IGSF11: variants seen among roughly 807,000 people sequenced by gnomAD.
IGSF11 encodes immunoglobulin superfamily member 11.
IGSF11 carries 22 observed loss-of-function variants against 41.0 expected under a neutral mutation model. The ratio of observed to expected loss-of-function variants is 0.54; its 90% CI spans 0.38 to 0.77. The LOEUF is 0.77. Among genes scored for constraint, IGSF11 ranks in the 30% least tolerant of loss-of-function variants. The pLI is 0.00. For synonymous variants in IGSF11, 219 were observed against 201.3 expected (o/e 1.09, Z -0.74); for missense variants, 444 against 530.8 (o/e 0.84, Z 1.61).
At chr3:119,142,682 T>G (rs989661310) in intron 1 of IGSF11, among the ~76,000 whole-genome samples, 6 of 152,066 alleles carry the variant, frequency 3.9e-5, no homozygotes, top group Non-Finnish European at 5.9e-5. Context: ...AGAAAAAATA[T>G]TTAAAGAAGT....
intron 1 of IGSF11, among the ~76,000 whole-genome samples, chr3:119,087,062 T>G (rs555757530): frequency 7.2e-5 from 11 of 152,278 alleles, no homozygotes; most frequent in African/African-American, 2.6e-4. Context: ...GAGTAAGATC[T>G]AACATGGAAA....
At position 119,111,605 on chromosome 3, in the gene IGSF11, T is replaced by G. The variant is rs575607375; in HGVS notation, c.-13-6400A>C. On this transcript the variant is annotated intron_variant, in intron 1 of 7. Coordinates refer to the IGSF11 transcript ENST00000425327. The stretch of plus-strand genomic sequence containing the variant: ...TTCTCTCAACTCGTCAAAGTCATTC[T>G]CCGTCCAGCTTTGTTCGGTTGCTGG... Among the ~76,000 whole-genome samples, 9 of 152,388 alleles carry G rather than the reference T, an allele frequency of 5.9e-5. No individual in the cohort carries two copies. In the East Asian group the frequency reaches 1.7e-3, roughly 29 times the overall value.
chr3:119,017,776 C>CTTTTTTTTTTTTTTTTTTT (rs567222914), intron 1 of IGSF11, among the ~76,000 whole-genome samples: 1 of 100,258 alleles, frequency 1.0e-5, no homozygotes, highest in Non-Finnish European at 2.0e-5. Context: ...GTTTGTTTTA[C>CTTTTTTTTTTTTTTTTTTT]TTTTTTTTTT....
chr3:119,070,600 C>A (rs182463723), intron 1 of IGSF11, among the ~76,000 whole-genome samples: 5,715 of 151,644 alleles, frequency 0.038, 185 homozygotes, highest in Non-Finnish European at 0.051. Context: ...AGTTTATGTA[C>A]ATGTTTTTTT....
chr3:118,926,349 A>G, intron 3 of IGSF11, 93 bp from the exon 4 acceptor site: 2 of 1,049,244 alleles, frequency 1.9e-6, no homozygotes, highest in Non-Finnish European at 2.7e-6. Context: ...TTGGACCCTT[A>G]GATTACACTG....
intron 4 of IGSF11, 74 bp from the exon 5 acceptor site, chr3:118,905,792 A>G (rs772849252): frequency 6.5e-6 from 10 of 1,540,772 alleles, no homozygotes; most frequent in Admixed American, 3.6e-5. Context: ...GCGGAAGACC[A>G]TAAAAACAGA....
chr3:118,945,942 A>T (rs1944094694), intron 1 of IGSF11: 1 of 152,298 alleles, frequency 6.6e-6, no homozygotes, highest in African/African-American at 2.4e-5. Context: ...TAATTTTTTT[A>T]AATATAGCAT....
intron 1 of IGSF11, among the ~76,000 whole-genome samples, chr3:119,063,584 T>A (rs1942124650): frequency 6.6e-6 from 1 of 152,210 alleles, no homozygotes; most frequent in Non-Finnish European, 1.5e-5. Flanking sequence ...CATGCAAAAA[T>A]ACTTTCTCTT....
At chr3:119,119,207 G>C (rs2077299464) in intron 1 of IGSF11, among the ~76,000 whole-genome samples, 1 of 152,120 alleles carries the variant, frequency 6.6e-6, no homozygotes, top group Non-Finnish European at 1.5e-5. Context: ...TGCTGCTGAT[G>C]AAGACATACC....
chr3:119,065,300 AT>A (rs1462014421), intron 1 of IGSF11, among the ~76,000 whole-genome samples: 2 of 152,294 alleles, frequency 1.3e-5, no homozygotes, highest in East Asian at 3.9e-4. Context: ...TGATATATAG[AT>A]TGTCTTCACT....
upstream of IGSF11, among the ~76,000 whole-genome samples, chr3:119,106,869 A>G (rs544060582): frequency 5.0e-4 from 76 of 152,246 alleles, no homozygotes; most frequent in Non-Finnish European, 8.5e-4. Context: ...TAGTTTACTG[A>G]GAATGATGAT....
intron 1 of IGSF11, among the ~76,000 whole-genome samples, chr3:119,050,531 C>T (rs1237062193): frequency 6.6e-6 from 1 of 151,718 alleles, no homozygotes; most frequent in Non-Finnish European, 1.5e-5. Flanking sequence ...AATAGGAACA[C>T]TTTTACACTG....
intron 1 of IGSF11, among the ~76,000 whole-genome samples, chr3:119,145,603 T>G (rs1430402024): frequency 1.3e-5 from 2 of 152,118 alleles, no homozygotes; most frequent in Admixed American, 1.3e-4. Context: ...TCTTCTCTCC[T>G]CTCTCTGGCT....
chr3:119,139,387 T>A (rs1388188033), intron 1 of IGSF11, among the ~76,000 whole-genome samples: 1 of 152,148 alleles, frequency 6.6e-6, no homozygotes, highest in African/African-American at 2.4e-5. Context: ...CCCACTCAAA[T>A]CTCATCTTGT....
At chr3:119,069,162 C>T (rs1289111634) in intron 1 of IGSF11, among the ~76,000 whole-genome samples, 5 of 151,818 alleles carry the variant, frequency 3.3e-5, no homozygotes, top group African/African-American at 4.8e-5. Flanking sequence ...CTCCTGACCT[C>T]GTGATCTGCC....
intron 4 of IGSF11, among the ~76,000 whole-genome samples, chr3:118,920,111 G>T (rs1003472133): frequency 8.1e-6 from 1 of 123,628 alleles, no homozygotes; most frequent in Non-Finnish European, 1.7e-5. Context: ...GGACTGTGGT[G>T]GGGTGGGGGG....
chr3:118,989,685 C>A (rs1935604591), intron 1 of IGSF11, among the ~76,000 whole-genome samples: 1 of 152,162 alleles, frequency 6.6e-6, no homozygotes, highest in Non-Finnish European at 1.5e-5. Context: ...AATTTTAGGT[C>A]TGTTGAAGCT....
chr3:119,077,820 C>T (rs2076525560), intron 1 of IGSF11, among the ~76,000 whole-genome samples: 1 of 152,172 alleles, frequency 6.6e-6, no homozygotes, highest in South Asian at 2.1e-4. Flanking sequence ...TTATAAATAA[C>T]TTTAGCAAAG....
At chr3:118,929,166 T>C (rs926453819) in intron 2 of IGSF11, among the ~76,000 whole-genome samples, 1 of 152,228 alleles carries the variant, frequency 6.6e-6, no homozygotes, top group Non-Finnish European at 1.5e-5. Flanking sequence ...ACTGTTCTTA[T>C]GTCAGCCTCT....
Sources: gnomAD v4.1 joint callset for allele counts (sites outside exome capture counted in the v4.1 genomes callset) on GRCh38, gnomAD v4.1.1 for gene constraint, MANE v1.5 for transcripts, NCBI Gene and HGNC (gene_info 2026-07-23, HGNC 2026-07-21) for gene names.